TGFBR3: variants seen among roughly 807,000 people sequenced by gnomAD.
TGFBR3 encodes the protein transforming growth factor beta receptor type 3.
In TGFBR3, 46 loss-of-function variants were observed where a neutral mutation model predicts 87.9. That is an observed-to-expected ratio of 0.52 (90% CI 0.41 to 0.67). The LOEUF is 0.67. Among genes scored for constraint, TGFBR3 ranks in the 30% least tolerant of loss-of-function variants. The probability of loss-of-function intolerance (pLI) is 0.00; values close to 1 mark genes in which losing one functional copy is unlikely to be tolerated. For synonymous variants in TGFBR3, 381 were observed against 391.6 expected, an observed-to-expected ratio of 0.97 and a Z score of 0.32; for missense variants, 866 against 1,041.9, an observed-to-expected ratio of 0.83 and a Z score of 2.32.
At chr1:91,882,311 A>T (rs887549858) in intron 1 of TGFBR3, among the ~76,000 whole-genome samples, 76 of 151,196 alleles carry the variant, frequency 5.0e-4, no homozygotes, top group African/African-American at 1.7e-3. Flanking sequence ...AAATTGTTGT[A>T]TTTTCTGTAG....
intron 14 of TGFBR3, among the ~76,000 whole-genome samples, chr1:91,702,564 CTTAACTT>C (rs918674356): frequency 2.6e-5 from 4 of 152,076 alleles, no homozygotes; most frequent in Non-Finnish European, 5.9e-5. Flanking sequence ...TCTGATGGTT[CTTAACTT>C]TTAGAGGTAC....
At chr1:91,706,801 T>A (rs1343164770) in intron 14 of TGFBR3, among the ~76,000 whole-genome samples, 2 of 152,202 alleles carry the variant, frequency 1.3e-5, no homozygotes, top group African/African-American at 4.8e-5. Context: ...GGTAACAAAA[T>A]CACTTTCATA....
At chr1:91,818,035 G>C (rs1396922504) in intron 2 of TGFBR3, among the ~76,000 whole-genome samples, 1 of 151,820 alleles carries the variant, frequency 6.6e-6, no homozygotes, top group African/African-American at 2.4e-5. Context: ...CCCCACTCCT[G>C]AAAAAGGCTT....
chr1:91,853,829 T>C (rs1677835929), intron 2 of TGFBR3, among the ~76,000 whole-genome samples: 1 of 152,108 alleles, frequency 6.6e-6, no homozygotes, highest in Non-Finnish European at 1.5e-5. Context: ...GTGGCCAATA[T>C]GGTGAAACCC....
chr1:91,710,097 C>T (rs990361242), intron 13 of TGFBR3, among the ~76,000 whole-genome samples: 1 of 152,182 alleles, frequency 6.6e-6, no homozygotes, highest in Non-Finnish European at 1.5e-5. Context: ...GGTAAGAAGA[C>T]ATATTAATAC....
At chr1:91,769,242 T>C (rs1674291088) in intron 3 of TGFBR3, among the ~76,000 whole-genome samples, 1 of 152,232 alleles carries the variant, frequency 6.6e-6, no homozygotes, top group East Asian at 1.9e-4. Context: ...TTATTACTTC[T>C]ACCCACTAAA....
At chr1:91,885,363 G>GC (rs1553176840) in intron 1 of TGFBR3, among the ~76,000 whole-genome samples, 7 of 32,650 alleles carry the variant, frequency 2.1e-4, no homozygotes, top group East Asian at 1.5e-3. Flanking sequence ...AAACCGGGGC[G>GC]GGGGGGGGCC....
chr1:91,859,325 C>T (rs546783622), intron 2 of TGFBR3, among the ~76,000 whole-genome samples: 19 of 151,474 alleles, frequency 1.3e-4, no homozygotes, highest in Middle Eastern at 3.4e-3. Flanking sequence ...AAAGCCCAGC[C>T]TCAAACCCAC....
chr1:91,835,886 T>C (rs1287285147), intron 2 of TGFBR3, among the ~76,000 whole-genome samples: 1 of 141,578 alleles, frequency 7.1e-6, no homozygotes, highest in African/African-American at 2.6e-5. Context: ...TACCATGCCC[T>C]ATGAATACCA....
chr1:91,749,637 G>A (rs960338719), intron 4 of TGFBR3, among the ~76,000 whole-genome samples: 3 of 152,038 alleles, frequency 2.0e-5, no homozygotes, highest in African/African-American at 7.2e-5. Context: ...GAAGGAGTTG[G>A]ACCATCCTGG....
intron 1 of TGFBR3, among the ~76,000 whole-genome samples, chr1:91,870,795 A>G (rs1678554136): frequency 6.6e-6 from 1 of 152,322 alleles, no homozygotes; most frequent in Admixed American, 6.5e-5. Context: ...CCAGGAGTTC[A>G]TGACCAGCCT....
intron 4 of TGFBR3, among the ~76,000 whole-genome samples, chr1:91,741,691 T>A (rs907399866): frequency 5.9e-5 from 9 of 152,080 alleles, no homozygotes; most frequent in Admixed American, 5.2e-4. Context: ...TCAGAGATGA[T>A]GAGGGTTGGA....
intron 13 of TGFBR3, among the ~76,000 whole-genome samples, chr1:91,711,009 G>C (rs1671962000): frequency 6.6e-6 from 1 of 152,184 alleles, no homozygotes; most frequent in Non-Finnish European, 1.5e-5. Context: ...CAAAGCCACA[G>C]CAAAGATCCC....
At chr1:91,771,674 C>G (rs1410362586) in intron 3 of TGFBR3, among the ~76,000 whole-genome samples, 2 of 141,060 alleles carry the variant, frequency 1.4e-5, no homozygotes, top group Non-Finnish European at 3.0e-5. Flanking sequence ...CCACTGCACT[C>G]CAGCCTGGGT....
intron 3 of TGFBR3, among the ~76,000 whole-genome samples, chr1:91,768,857 A>T (rs1674277341): frequency 6.6e-6 from 1 of 152,142 alleles, no homozygotes. Flanking sequence ...ATGGACTAAT[A>T]CATGAATCAA....
rs570960122 is a variant in TGFBR3, at chr1:91,736,459, C to T, written c.385-1500G>A. Among the ~76,000 whole-genome samples, 289 of 135,366 alleles carry T rather than the reference C, an allele frequency of 2.1e-3. 1 individual carries two copies. Among genetic ancestry groups the T allele is most frequent in the African/African-American group, 7.7e-3 (275 of 35,896 alleles). 88.8% of individuals were successfully genotyped at this position (135,366 alleles called of 152,430 possible). On this transcript the variant is annotated intron_variant, in intron 4 of 16. Coordinates refer to ENST00000212355, the MANE Select transcript of TGFBR3 (RefSeq NM_003243.5). ...GCTACCACTGACTGCACACTTACTA[C>T]GTATCAGTGCTGTCAAGTGTAGTCA...
chr1:91,887,554 C>G (rs897528414), upstream of TGFBR3, among the ~76,000 whole-genome samples: 3 of 152,164 alleles, frequency 2.0e-5, no homozygotes, highest in African/African-American at 7.2e-5. Flanking sequence ...GCGTTAGCCG[C>G]TGCACCTGGC....
rs17882615 is a variant in TGFBR3 at position 91,698,397 on chromosome 1, C to T, written c.2288-267G>A. On this transcript the variant is annotated intron_variant, in intron 14 of 16. Coordinates refer to ENST00000212355, the MANE Select transcript of TGFBR3 (RefSeq NM_003243.5). The stretch of plus-strand genomic sequence containing the variant: ...CACCTAAACTTAGGGAATTTGGGTC[C>T]GACAATTTGTGTGTGTGTTTGTGTA... Among the ~76,000 whole-genome samples, 707 of 151,984 alleles carry T rather than the reference C, an allele frequency of 4.7e-3. 6 individuals are homozygous for T. Among genetic ancestry groups the T allele is most frequent in the African/African-American group, 0.015 (637 of 41,426 alleles).
At chr1:91,839,071 G>A (rs139173128) in intron 2 of TGFBR3, among the ~76,000 whole-genome samples, 18 of 151,984 alleles carry the variant, frequency 1.2e-4, no homozygotes, top group Admixed American at 9.8e-4. Flanking sequence ...CTGACCTTCC[G>A]GGCTCAAGAG....
Sources: allele counts gnomAD v4.1 joint callset (sites outside exome capture counted in the v4.1 genomes callset), GRCh38; gene constraint gnomAD v4.1.1; transcripts MANE v1.5; gene names NCBI Gene and HGNC (gene_info 2026-07-23, HGNC 2026-07-21).